TMC1: variants seen among roughly 807,000 people sequenced by gnomAD.
TMC1 encodes the protein transmembrane channel-like protein 1.
A neutral mutation model predicts 105.8 loss-of-function variants in TMC1; 84 were observed. That is an observed-to-expected ratio of 0.79 (90% CI 0.67 to 0.95). The LOEUF is 0.95. TMC1 is among the 40% of genes least tolerant of loss of function. TMC1 has a pLI of 0.00. For missense variants in TMC1, 817 were observed against 914.1 expected (o/e 0.89, Z 1.37); for synonymous variants, 315 against 311.5 (o/e 1.01, Z -0.12).
chr9:72,539,348 A>G (rs1430991082), intron 1 of TMC1, among the ~76,000 whole-genome samples: 2 of 152,118 alleles, frequency 1.3e-5, no homozygotes, highest in Non-Finnish European at 2.9e-5. Flanking sequence ...GGAGGTTTCA[A>G]TGATCCTAGA....
At chr9:72,596,033 C>T (rs771298504) in intron 2 of TMC1, among the ~76,000 whole-genome samples, 8 of 151,994 alleles carry the variant, frequency 5.3e-5, no homozygotes, top group African/African-American at 1.7e-4. Context: ...CATGCCACCA[C>T]GCCCGGCTAA....
At position 72,616,389 on chromosome 9, in the gene TMC1, A is replaced by G. The variant is rs1825127864; in HGVS notation, c.-284A>G. 6.6e-6 allele frequency: 1 copy of G among 152,164 alleles called. No homozygotes were observed. The highest frequency in any genetic ancestry group is 1.5e-5 in the Non-Finnish European group (1 of 68,044). 9.4% of individuals were successfully genotyped at this position (152,164 alleles called of 1,614,324 possible). ...CCAGGCCATGAAAGATCACTGTTTTAGTCTGCGTGGTGCAGTGGAACAGAT... is the reference window on the plus strand; with the variant it reads ...CCAGGCCATGAAAGATCACTGTTTTGGTCTGCGTGGTGCAGTGGAACAGAT... On this transcript the variant is annotated 5_prime_UTR_variant, in exon 3 of 24. Coordinates refer to ENST00000297784, the MANE Select transcript of TMC1 (RefSeq NM_138691.3).
intron 5 of TMC1, chr9:72,656,118 T>C: frequency 1.5e-6 from 1 of 664,912 alleles, no homozygotes; most frequent in Non-Finnish European, 2.8e-6. Context: ...CATTGCAGCT[T>C]GTTAGAGTGA....
chr9:72,554,803 G>C (rs983926241), intron 1 of TMC1, among the ~76,000 whole-genome samples: 7 of 152,170 alleles, frequency 4.6e-5, no homozygotes, highest in African/African-American at 1.7e-4. Flanking sequence ...AAAGTCTCCA[G>C]AGAGTAAAGA....
chr9:72,614,431 TGTG>T (rs1825087015), intron 2 of TMC1, among the ~76,000 whole-genome samples: 1 of 152,188 alleles, frequency 6.6e-6, no homozygotes, highest in African/African-American at 2.4e-5. Context: ...GTTAGTTAAA[TGTG>T]GTGATGTTAA....
intron 8 of TMC1, among the ~76,000 whole-genome samples, chr9:72,708,935 C>T (rs982942029): frequency 1.3e-5 from 2 of 151,002 alleles, no homozygotes; most frequent in African/African-American, 4.9e-5. Flanking sequence ...CCTTGTATGC[C>T]GATTTTGCTG....
chr9:72,580,389 C>G (rs979915501), intron 2 of TMC1, among the ~76,000 whole-genome samples: 2 of 152,204 alleles, frequency 1.3e-5, no homozygotes, highest in South Asian at 4.1e-4. Flanking sequence ...TTACACACAC[C>G]CTTCTCATTT....
chr9:72,676,068 G>T (rs1190689003), intron 5 of TMC1, among the ~76,000 whole-genome samples: 2 of 152,148 alleles, frequency 1.3e-5, no homozygotes, highest in Non-Finnish European at 2.9e-5. Flanking sequence ...AAATTGGATG[G>T]GGAAGCATAC....
chr9:72,599,069 C>T (rs1824764982), intron 2 of TMC1, among the ~76,000 whole-genome samples: 2 of 152,116 alleles, frequency 1.3e-5, no homozygotes, highest in South Asian at 2.1e-4. Context: ...TTCACTCTGT[C>T]GCCCAGGCTG....
Position 72,678,005 on chromosome 9 carries a change from G to A in TMC1, c.17-10704G>A, listed in dbSNP as rs138928562. On this transcript the variant is annotated intron_variant, in intron 5 of 23. Transcript: ENST00000297784. ...GGCAGGAACTTGAATTTGGATCTAC[G>A]TACATGTTCCATTTCAGACTCACCA... 6.0e-3 allele frequency among the ~76,000 whole-genome samples: 909 copies of A among 152,162 alleles called. 6 individuals are homozygous for A. The highest frequency in any genetic ancestry group is 0.011 in the Non-Finnish European group (718 of 67,992).
At chr9:72,784,433 A>G (rs1337284739) in intron 13 of TMC1, among the ~76,000 whole-genome samples, 1 of 152,100 alleles carries the variant, frequency 6.6e-6, no homozygotes, top group Non-Finnish European at 1.5e-5. Flanking sequence ...AAACAAACAA[A>G]CAAAAAACAG....
intron 1 of TMC1, among the ~76,000 whole-genome samples, chr9:72,548,054 G>T (rs370736895): frequency 6.6e-6 from 1 of 152,016 alleles, no homozygotes; most frequent in South Asian, 2.1e-4. Context: ...CTCTACCTTC[G>T]CAACCAAAAG....
chr9:72,767,085 T>C (rs975376044), intron 12 of TMC1, among the ~76,000 whole-genome samples: 24 of 152,352 alleles, frequency 1.6e-4, no homozygotes, highest in Non-Finnish European at 2.2e-4. Flanking sequence ...TGCCAGTCCT[T>C]GTCTTTCATC....
intron 5 of TMC1, among the ~76,000 whole-genome samples, chr9:72,683,731 TTTTATATATATA>T (rs56061234): frequency 0.16 from 7,765 of 49,578 alleles, 525 homozygotes; most frequent in Non-Finnish European, 0.26. Flanking sequence ...GAGTTACACA[TTTTATATATATA>T]TATATATATA....
intron 1 of TMC1, among the ~76,000 whole-genome samples, chr9:72,525,636 TGAAA>T (rs1823393123): frequency 6.6e-6 from 1 of 152,166 alleles, no homozygotes; most frequent in Admixed American, 6.6e-5. Flanking sequence ...GGATCATCAC[TGAAA>T]GAAAGGGAAA....
intron 6 of TMC1, among the ~76,000 whole-genome samples, chr9:72,694,236 T>C (rs760789470): frequency 2.0e-5 from 3 of 152,198 alleles, no homozygotes; most frequent in Non-Finnish European, 2.9e-5. Flanking sequence ...GGTATGATAT[T>C]AACCACCAAG....
At chr9:72,720,848 C>T (rs1258828098) in intron 8 of TMC1, among the ~76,000 whole-genome samples, 1 of 152,090 alleles carries the variant, frequency 6.6e-6, no homozygotes, top group Non-Finnish European at 1.5e-5. Flanking sequence ...TATTTTCTGT[C>T]TTTCTTTGGC....
chr9:72,651,964 T>C (rs552447531), intron 5 of TMC1, among the ~76,000 whole-genome samples: 1 of 152,230 alleles, frequency 6.6e-6, no homozygotes, highest in Admixed American at 6.5e-5. Context: ...TGCCTTTGTG[T>C]CCTCATAATT....
intron 1 of TMC1, among the ~76,000 whole-genome samples, chr9:72,575,220 T>C (rs1824359008): frequency 6.6e-6 from 1 of 152,174 alleles, no homozygotes; most frequent in African/African-American, 2.4e-5. Context: ...CTTGCTCTGT[T>C]GCCCAGGCTG....
Sources: gnomAD v4.1 joint callset for allele counts (sites outside exome capture counted in the v4.1 genomes callset) on GRCh38, gnomAD v4.1.1 for gene constraint, MANE v1.5 for transcripts, NCBI Gene and HGNC (gene_info 2026-07-23, HGNC 2026-07-21) for gene names.